Variants in MBNL1 observed in about 807,000 individuals in gnomAD.
The protein encoded by MBNL1 is muscleblind like splicing regulator 1, also known as muscleblind-like protein 1.
A neutral mutation model predicts 42.2 loss-of-function variants in MBNL1; 8 were observed. The ratio of observed to expected loss-of-function variants is 0.19; its 90% CI spans 0.11 to 0.34. The LOEUF (loss-of-function observed/expected upper bound fraction) is 0.34. Ranked by LOEUF, MBNL1 falls within the 10% of genes least tolerant of loss-of-function variation. MBNL1 has a pLI of 1.00. For synonymous variants in MBNL1, 169 were observed against 173.9 expected (o/e 0.97, Z 0.22); for missense variants, 309 against 495.3 (o/e 0.62, Z 3.57).
At chr3:152,327,580 C>T (rs1350894480) in intron 2 of MBNL1, among the ~76,000 whole-genome samples, 1 of 152,140 alleles carries the variant, frequency 6.6e-6, no homozygotes, top group Non-Finnish European at 1.5e-5. Context: ...AACTCCTGGC[C>T]TCAAGTGATC....
chr3:152,304,683 C>T (rs537467669), intron 2 of MBNL1, among the ~76,000 whole-genome samples: 4 of 152,316 alleles, frequency 2.6e-5, no homozygotes, highest in East Asian at 3.9e-4. Context: ...GCATAACCTG[C>T]GCAGCAGTAT....
chr3:152,350,250 G>C (rs1392645516), intron 2 of MBNL1, among the ~76,000 whole-genome samples: 1 of 152,054 alleles, frequency 6.6e-6, no homozygotes, highest in East Asian at 1.9e-4. Context: ...GAGAAGACAA[G>C]AAATGAGAAA....
intron 1 of MBNL1, among the ~76,000 whole-genome samples, chr3:152,286,967 C>T (rs956700052): frequency 1.3e-5 from 2 of 152,036 alleles, no homozygotes; most frequent in Non-Finnish European, 2.9e-5. Flanking sequence ...TGCCTGTAAT[C>T]CCAGCACTTT....
chr3:152,449,925 C>T (rs1423488288), intron 6 of MBNL1, among the ~76,000 whole-genome samples: 4 of 151,746 alleles, frequency 2.6e-5, no homozygotes, highest in Admixed American at 6.6e-5. Context: ...GCCAACATGG[C>T]GAAACCCCAT....
intron 4 of MBNL1, among the ~76,000 whole-genome samples, chr3:152,440,739 A>G (rs2099135649): frequency 6.6e-6 from 1 of 152,254 alleles, no homozygotes; most frequent in African/African-American, 2.4e-5. Context: ...CAAAGTAGAT[A>G]TTTTAATCCT....
chr3:152,261,566 TCTC>T (rs1293917901), intron 2 of MBNL1, among the ~76,000 whole-genome samples: 1 of 152,000 alleles, frequency 6.6e-6, no homozygotes, highest in Non-Finnish European at 1.5e-5. Context: ...AATCAGATAA[TCTC>T]CTATCACCTA....
At chr3:152,399,992 TG>T (rs999030662) in intron 2 of MBNL1, among the ~76,000 whole-genome samples, 2 of 152,210 alleles carry the variant, frequency 1.3e-5, no homozygotes, top group Non-Finnish European at 2.9e-5. Flanking sequence ...ATGCTAACCC[TG>T]ACATTACTAG....
At chr3:152,461,972 A>C (rs73872414) in intron 9 of MBNL1, among the ~76,000 whole-genome samples, 2,090 of 152,262 alleles carry the variant, frequency 0.014, 47 homozygotes, top group African/African-American at 0.048. Flanking sequence ...AATCTTGTTT[A>C]ATAGAACATA....
chr3:152,332,742 G>GCGCA (rs1166967710), intron 2 of MBNL1, among the ~76,000 whole-genome samples: 2 of 85,676 alleles, frequency 2.3e-5, no homozygotes, highest in African/African-American at 6.4e-5. Flanking sequence ...GTGTGTGTGC[G>GCGCA]CGCGCGCATG....
intron 2 of MBNL1, among the ~76,000 whole-genome samples, chr3:152,252,028 CT>C (rs2034637402): frequency 6.6e-6 from 1 of 152,040 alleles, no homozygotes; most frequent in Non-Finnish European, 1.5e-5. Flanking sequence ...CTGTTTGTTA[CT>C]GGTATGGATT....
intron 2 of MBNL1, among the ~76,000 whole-genome samples, chr3:152,343,109 G>A (rs1386286342): frequency 6.6e-6 from 1 of 152,162 alleles, no homozygotes; most frequent in Non-Finnish European, 1.5e-5. Flanking sequence ...GAAGGCATCA[G>A]AGATCAGGAC....
At position 152,247,089 on chromosome 3, in the gene MBNL1, C is replaced by G. The variant is rs550896476; in HGVS notation, n.333+2649C>G. ...AGTTTTTGTTTAGCTGTTTTGTTTC[C>G]TCTTCTTTTGGCCATTTTCCCATTT... On this transcript the variant is annotated intron_variant and non_coding_transcript_variant, in intron 2 of 2. Transcript: ENST00000477171. Among the ~76,000 whole-genome samples, 3 of 152,054 alleles carry G rather than the reference C, an allele frequency of 2.0e-5. No homozygotes were observed. The East Asian group carries it at 5.8e-4, about 29-fold the overall frequency.
At chr3:152,315,552 G>A (rs1377551323) in intron 2 of MBNL1, among the ~76,000 whole-genome samples, 1 of 151,990 alleles carries the variant, frequency 6.6e-6, no homozygotes, top group African/African-American at 2.4e-5. Context: ...AAATTTCCAT[G>A]TAATAACATT....
intron 2 of MBNL1, among the ~76,000 whole-genome samples, chr3:152,302,602 A>G (rs1042872797): frequency 3.9e-5 from 6 of 152,302 alleles, no homozygotes; most frequent in African/African-American, 1.4e-4. Context: ...TGGCTAAAAT[A>G]GATCAAAAAC....
At chr3:152,419,186 C>G (rs74965186) in intron 3 of MBNL1, among the ~76,000 whole-genome samples, 1 of 148,626 alleles carries the variant, frequency 6.7e-6, no homozygotes, top group Non-Finnish European at 1.5e-5. Context: ...GCAAAATGAT[C>G]TTTTTTTTTT....
intron 1 of MBNL1, among the ~76,000 whole-genome samples, chr3:152,271,652 T>C (rs931756195): frequency 2.6e-5 from 4 of 152,088 alleles, no homozygotes; most frequent in Admixed American, 1.3e-4. Flanking sequence ...GTAGTAGATA[T>C]GAGAGTCAAA....
At chr3:152,307,032 C>T (rs2063502966) in intron 2 of MBNL1, among the ~76,000 whole-genome samples, 2 of 152,220 alleles carry the variant, frequency 1.3e-5, no homozygotes, top group East Asian at 1.9e-4. Context: ...CTCTGTTGTC[C>T]AGGCTTGAGT....
intron 2 of MBNL1, among the ~76,000 whole-genome samples, chr3:152,352,342 A>G (rs2095099892): frequency 6.6e-6 from 1 of 152,150 alleles, no homozygotes; most frequent in African/African-American, 2.4e-5. Context: ...AGTTGCACAG[A>G]CATCTTGTTT....
At chr3:152,373,677 A>T (rs1482215685) in intron 2 of MBNL1, among the ~76,000 whole-genome samples, 1 of 152,080 alleles carries the variant, frequency 6.6e-6, no homozygotes, top group Non-Finnish European at 1.5e-5. Context: ...TGAGCCAGGT[A>T]CCTTAGTTGG....
Sources: allele counts gnomAD v4.1 joint callset (sites outside exome capture counted in the v4.1 genomes callset), GRCh38; gene constraint gnomAD v4.1.1; transcripts MANE v1.5; gene names NCBI Gene and HGNC (gene_info 2026-07-23, HGNC 2026-07-21).